ULK4: variants seen among roughly 807,000 people sequenced by gnomAD.
ULK4 encodes inactive serine/threonine-protein kinase ULK4.
In ULK4, 133 loss-of-function variants were observed where a neutral mutation model predicts 160.6. The observed-to-expected ratio is 0.83, with a 90% CI of 0.72 to 0.96. ULK4 has a LOEUF of 0.96. Ranked by LOEUF, ULK4 falls within the 40% of genes least tolerant of loss-of-function variation. The pLI, the probability that ULK4 is intolerant of heterozygous loss-of-function variation, is 0.00. For missense variants in ULK4, 1,580 were observed against 1,499.5 expected (o/e 1.05, Z -0.89); for synonymous variants, 534 against 539.8 (o/e 0.99, Z 0.15).
chr3:41,605,068 G>A (rs1416540696), intron 31 of ULK4, among the ~76,000 whole-genome samples: 2 of 151,774 alleles, frequency 1.3e-5, no homozygotes, highest in Non-Finnish European at 2.9e-5. Context: ...CTATTTGGAG[G>A]TGACTATTAC....
chr3:41,768,490 TTGGAACTCTGCCACC>T (rs1241675308), intron 21 of ULK4, among the ~76,000 whole-genome samples: 1 of 152,172 alleles, frequency 6.6e-6, no homozygotes, highest in East Asian at 1.9e-4. Flanking sequence ...ACAGTCACTC[TTGGAACTCTGCCACC>T]ATGCTGTGAG....
intron 32 of ULK4, among the ~76,000 whole-genome samples, chr3:41,544,496 T>A (rs1270850629): frequency 6.6e-6 from 1 of 152,358 alleles, no homozygotes; most frequent in South Asian, 2.1e-4. Flanking sequence ...TATAGCCCTA[T>A]GCATGCACAC....
At chr3:41,480,087 G>C (rs1253660758) in intron 32 of ULK4, among the ~76,000 whole-genome samples, 1 of 151,600 alleles carries the variant, frequency 6.6e-6, no homozygotes, top group Middle Eastern at 3.2e-3. Context: ...GGCGCCTGTA[G>C]TCCCAGCTAC....
intron 35 of ULK4, among the ~76,000 whole-genome samples, chr3:41,252,403 C>T (rs2078758389): frequency 6.6e-6 from 1 of 151,860 alleles, no homozygotes; most frequent in African/African-American, 2.4e-5. Context: ...ACAAGTATTA[C>T]AATAGAATAT....
intron 34 of ULK4, among the ~76,000 whole-genome samples, chr3:41,437,853 A>C (rs2083071710): frequency 6.6e-6 from 1 of 152,148 alleles, no homozygotes; most frequent in Non-Finnish European, 1.5e-5. Flanking sequence ...TAAGGGAGAG[A>C]TTCTGTTTAC....
intron 13 of ULK4, among the ~76,000 whole-genome samples, chr3:41,900,270 A>G (rs1308197805): frequency 1.3e-5 from 2 of 151,048 alleles, no homozygotes; most frequent in East Asian, 1.9e-4. Context: ...GTGAGAGGGT[A>G]GGGCTTCTGT....
At chr3:41,638,637 T>C (rs181402458) in intron 30 of ULK4, among the ~76,000 whole-genome samples, 87 of 152,370 alleles carry the variant, frequency 5.7e-4, no homozygotes, top group Admixed American at 1.8e-3. Context: ...CACAGTTTAG[T>C]CTGGCAGCTC....
chr3:41,464,432 A>G (rs1301127699), intron 32 of ULK4, among the ~76,000 whole-genome samples: 1 of 152,178 alleles, frequency 6.6e-6, no homozygotes, highest in Non-Finnish European at 1.5e-5. Context: ...CAAGGCTGAA[A>G]ATAAACAAAC....
chr3:41,255,677 C>T (rs191806113), intron 35 of ULK4, among the ~76,000 whole-genome samples: 9 of 140,546 alleles, frequency 6.4e-5, no homozygotes, highest in Admixed American at 5.8e-4. Flanking sequence ...GAAGATACAG[C>T]AATTCTAAAT....
chr3:41,841,029 G>A (rs144872025), intron 17 of ULK4, among the ~76,000 whole-genome samples: 25,789 of 138,962 alleles, frequency 0.19, 2,231 homozygotes, highest in Middle Eastern at 0.35. Context: ...CGGCCGCCCC[G>A]TCTGGGAAGT....
At chr3:41,810,570 T>C (rs1480441173) in intron 19 of ULK4, among the ~76,000 whole-genome samples, 2 of 152,208 alleles carry the variant, frequency 1.3e-5, no homozygotes, top group Non-Finnish European at 2.9e-5. Context: ...ATCCCAGCAC[T>C]TTGGGAGACC....
At chr3:41,788,842 T>C (rs753493747) in intron 21 of ULK4, among the ~76,000 whole-genome samples, 3 of 152,242 alleles carry the variant, frequency 2.0e-5, no homozygotes, top group Non-Finnish European at 4.4e-5. Flanking sequence ...GTTTGAATCA[T>C]TGCTTTCCAA....
At chr3:41,768,131 C>T (rs2039228805) in intron 21 of ULK4, among the ~76,000 whole-genome samples, 1 of 152,132 alleles carries the variant, frequency 6.6e-6, no homozygotes, top group Non-Finnish European at 1.5e-5. Flanking sequence ...AATGTAATGC[C>T]TGATGATCTT....
chr3:41,832,226 T>C lies in ULK4; in HGVS notation c.1764+3638A>G, dbSNP rs551973197. On this transcript the variant is annotated intron_variant, in intron 18 of 36. Coordinates refer to ENST00000301831, the MANE Select transcript of ULK4 (RefSeq NM_017886.4). ...TTTTGTTTCTTGACTTTTTAATAAT[T>C]GCCATTCTGACTGGTGTGAGACGGT... Among the ~76,000 whole-genome samples the C allele has an allele frequency of 7.9e-5, 12 of 152,294 alleles. No individual in the cohort carries two copies. The East Asian group carries it at 1.7e-3, about 22-fold the overall frequency.
intron 35 of ULK4, among the ~76,000 whole-genome samples, chr3:41,304,630 G>A (rs1253233808): frequency 6.6e-6 from 1 of 152,224 alleles, no homozygotes; most frequent in Non-Finnish European, 1.5e-5. Context: ...CAGGAGCAAA[G>A]CCCATAACCA....
At chr3:41,731,245 C>T (rs1341007451) in intron 22 of ULK4, among the ~76,000 whole-genome samples, 4 of 151,742 alleles carry the variant, frequency 2.6e-5, no homozygotes, top group African/African-American at 4.8e-5. Context: ...TTCCTGCTTG[C>T]GAATGGCATA....
At chr3:41,881,953 T>G (rs868575156) in intron 17 of ULK4, among the ~76,000 whole-genome samples, 5 of 152,134 alleles carry the variant, frequency 3.3e-5, no homozygotes. Context: ...CAAATATGGT[T>G]CAGGAACTGC....
intron 25 of ULK4, among the ~76,000 whole-genome samples, chr3:41,707,791 G>A (rs967688504): frequency 3.3e-5 from 5 of 151,498 alleles, no homozygotes; most frequent in African/African-American, 7.3e-5. Context: ...CGGTATCCCT[G>A]CACTCCAGCC....
intron 18 of ULK4, among the ~76,000 whole-genome samples, chr3:41,821,885 T>C (rs140241637): frequency 6.6e-6 from 1 of 151,916 alleles, no homozygotes; most frequent in African/African-American, 2.4e-5. Context: ...GACTTTCATG[T>C]CATTAAATCC....
Sources: allele counts gnomAD v4.1 joint callset (sites outside exome capture counted in the v4.1 genomes callset), GRCh38; gene constraint gnomAD v4.1.1; transcripts MANE v1.5; gene names NCBI Gene and HGNC (gene_info 2026-07-23, HGNC 2026-07-21).